The following NAV3 variants were observed in gnomAD, a reference collection of about 807,000 sequenced individuals.
NAV3 encodes the protein pore membrane and/or filament interacting like protein 1.
Under a neutral mutation model 244.7 loss-of-function variants are expected in NAV3, and 87 were observed. That is an observed-to-expected ratio of 0.36 (90% CI 0.30 to 0.42). NAV3 has a LOEUF of 0.42. NAV3 is among the 20% of genes least tolerant of loss of function. The probability of loss-of-function intolerance (pLI) is 1.00; values close to 1 mark genes in which losing one functional copy is unlikely to be tolerated. For synonymous variants in NAV3, 1,126 were observed against 1,042.2 expected (o/e 1.08, Z -1.55); for missense variants, 2,663 against 2,893.3 (o/e 0.92, Z 1.83).
Position 77,788,424 on chromosome 12 carries a change from G to A in NAV3, c.73-151895G>A, listed in dbSNP as rs1871009253. ...CGCTGGGACAACAATCCTGTGATGG[G>A]CTCCCTTGTGTGATCTTGGCCAAGT... On this transcript the variant is annotated intron_variant, in intron 2 of 8. Coordinates refer to the NAV3 transcript ENST00000550042. 4.6e-5 allele frequency among the ~76,000 whole-genome samples: 7 copies of A among 152,048 alleles called. 1 individual carries two copies. Among genetic ancestry groups the A allele is most frequent in the Admixed American group, 4.6e-4 (7 of 15,266 alleles).
chr12:77,709,234 C>T (rs971981004), intron 2 of NAV3, among the ~76,000 whole-genome samples: 7 of 152,136 alleles, frequency 4.6e-5, no homozygotes, highest in African/African-American at 1.7e-4. Context: ...CAGAAAAGAC[C>T]TTTGACAAAA....
intron 2 of NAV3, among the ~76,000 whole-genome samples, chr12:77,609,203 A>G (rs1425351528): frequency 6.6e-6 from 1 of 152,040 alleles, no homozygotes; most frequent in East Asian, 1.9e-4. Context: ...AAAGAATCAA[A>G]ACCAAAACCA....
intron 3 of NAV3, among the ~76,000 whole-genome samples, chr12:77,944,220 G>T (rs768337362): frequency 6.6e-6 from 1 of 152,176 alleles, no homozygotes; most frequent in Non-Finnish European, 1.5e-5. Flanking sequence ...TAGGGCCAAA[G>T]TAAGGAGTTG....
chr12:78,141,082 G>A (rs1293650152), intron 20 of NAV3, among the ~76,000 whole-genome samples: 1 of 151,814 alleles, frequency 6.6e-6, no homozygotes, highest in African/African-American at 2.4e-5. Context: ...TTAGAGACAA[G>A]GTCATTGCTA....
chr12:77,934,140 T>G (rs960210956), intron 1 of NAV3, among the ~76,000 whole-genome samples: 4 of 152,218 alleles, frequency 2.6e-5, no homozygotes, highest in African/African-American at 9.6e-5. Flanking sequence ...GGGAGGGTTG[T>G]TGATTGTGGT....
At chr12:78,193,286 A>G (rs1347625665) in intron 34 of NAV3, among the ~76,000 whole-genome samples, 1 of 152,214 alleles carries the variant, frequency 6.6e-6, no homozygotes, top group Non-Finnish European at 1.5e-5. Context: ...GATTGAGAGC[A>G]GTACACATAA....
chr12:77,771,576 A>G (rs1565807246), intron 2 of NAV3, among the ~76,000 whole-genome samples: 2 of 152,328 alleles, frequency 1.3e-5, no homozygotes, highest in South Asian at 4.1e-4. Flanking sequence ...ATGGAATACT[A>G]TGCAGCCATA....
intron 2 of NAV3, among the ~76,000 whole-genome samples, chr12:77,693,630 A>C (rs551171552): frequency 6.6e-6 from 1 of 152,212 alleles, no homozygotes; most frequent in Admixed American, 6.6e-5. Context: ...GGGGCTAAAC[A>C]AATTATTCCA....
At chr12:78,158,896 A>T (rs1469611381) in intron 22 of NAV3, among the ~76,000 whole-genome samples, 2 of 152,146 alleles carry the variant, frequency 1.3e-5, no homozygotes, top group Non-Finnish European at 2.9e-5. Flanking sequence ...CGGCATTTTG[A>T]GTGTCAAATC....
Position 78,140,341 on chromosome 12 carries a change from A to G in NAV3, c.4683+7A>G, listed in dbSNP as rs781211969. Reference sequence around the variant, plus strand: ...TTCTTCTCTTTACTCTACAGTAAGTAATGGCTGTTAAGAAAAAGCTTGTGC... The same window carrying G: ...TTCTTCTCTTTACTCTACAGTAAGTGATGGCTGTTAAGAAAAAGCTTGTGC... On this transcript the variant is annotated splice_region_variant and intron_variant, in intron 20 of 39. Coordinates refer to ENST00000397909, the MANE Select transcript of NAV3 (RefSeq NM_001024383.2). 1 of 1,610,536 alleles carries G rather than the reference A, an allele frequency of 6.2e-7. No individual in the cohort carries two copies. Among genetic ancestry groups the G allele is most frequent in the Admixed American group, 1.7e-5 (1 of 59,998 alleles).
intron 2 of NAV3, among the ~76,000 whole-genome samples, chr12:77,727,026 A>G (rs1374127146): frequency 1.3e-5 from 2 of 152,020 alleles, no homozygotes; most frequent in Non-Finnish European, 2.9e-5. Context: ...CCCTCTGGCT[A>G]CAGCACTCAT....
intron 16 of NAV3, among the ~76,000 whole-genome samples, chr12:78,126,681 A>G (rs300466): frequency 0.7 from 107,080 of 152,078 alleles, 38,024 homozygotes; most frequent in African/African-American, 0.76. Context: ...CTTCACATGT[A>G]TAAATGGGAA....
chr12:77,837,225 TTTTAAAGTTTAAACTTTAAACTTTAAAAG>T (rs1321807983), intron 1 of NAV3, among the ~76,000 whole-genome samples: 2 of 150,972 alleles, frequency 1.3e-5, no homozygotes, highest in Non-Finnish European at 3.0e-5. Context: ...TTATGTAAAC[TTTTAAAGTTTAAACTTTAAACTTTAAAAG>T]TTTACATAAC....
intron 2 of NAV3, among the ~76,000 whole-genome samples, chr12:77,703,572 A>G (rs1433287765): frequency 6.6e-6 from 1 of 152,142 alleles, no homozygotes; most frequent in East Asian, 1.9e-4. Context: ...ATGAGAAGTT[A>G]TATGTAACCT....
chr12:77,764,030 T>C (rs2096036479), intron 2 of NAV3, among the ~76,000 whole-genome samples: 1 of 152,232 alleles, frequency 6.6e-6, no homozygotes, highest in South Asian at 2.1e-4. Flanking sequence ...CTGCTACAGA[T>C]GTTCAATTAT....
chr12:77,676,884 G>T (rs1347307759), intron 2 of NAV3, among the ~76,000 whole-genome samples: 1 of 152,126 alleles, frequency 6.6e-6, no homozygotes, highest in Non-Finnish European at 1.5e-5. Flanking sequence ...GTTAGGGTAA[G>T]GGTGAGGTGT....
At chr12:78,141,554 A>G (rs1309634018) in intron 20 of NAV3, among the ~76,000 whole-genome samples, 1 of 151,750 alleles carries the variant, frequency 6.6e-6, no homozygotes, top group East Asian at 1.9e-4. Context: ...TGTTTGTTTG[A>G]ACCTTCTCTT....
At chr12:77,830,845 G>C (rs1009073611), upstream of NAV3, 3 of 152,048 alleles carry the variant, frequency 2.0e-5, no homozygotes, top group African/African-American at 7.2e-5. Context: ...TTTCTGAGCT[G>C]GGGGAAATAC....
intron 39 of NAV3, among the ~76,000 whole-genome samples, chr12:78,208,996 G>C (rs1960621508): frequency 6.6e-6 from 1 of 152,076 alleles, no homozygotes; most frequent in East Asian, 1.9e-4. Flanking sequence ...GAGTGGGAGA[G>C]AAAGAAACTA....
Sources: gnomAD v4.1 joint callset for allele counts (sites outside exome capture counted in the v4.1 genomes callset) on GRCh38, gnomAD v4.1.1 for gene constraint, MANE v1.5 for transcripts, NCBI Gene and HGNC (gene_info 2026-07-23, HGNC 2026-07-21) for gene names.